The following FOXK2 variants were observed in gnomAD, a reference collection of about 807,000 sequenced individuals.
FOXK2 encodes the protein forkhead box protein K2.
A neutral mutation model predicts 53.3 loss-of-function variants in FOXK2; 24 were observed. The ratio of observed to expected loss-of-function variants is 0.45; its 90% confidence interval spans 0.33 to 0.63. The LOEUF is 0.63. Among genes scored for constraint, FOXK2 ranks in the 30% least tolerant of loss-of-function variants. The pLI is 0.03. For missense variants in FOXK2, 952 were observed against 910.5 expected (o/e 1.05, Z -0.59); for synonymous variants, 505 against 407.1 (o/e 1.24, Z -2.89).
intron 1 of FOXK2, among the ~76,000 whole-genome samples, chr17:82,522,372 T>A (rs1175741297): frequency 6.6e-6 from 1 of 151,384 alleles, no homozygotes; most frequent in Non-Finnish European, 1.5e-5. Flanking sequence ...TTTGGAATTT[T>A]TTTTTTTTTT....
chr17:82,522,041 CTTTTTTTTTTT>C (rs924582731), intron 1 of FOXK2, among the ~76,000 whole-genome samples: 19 of 107,268 alleles, frequency 1.8e-4, no homozygotes, highest in Non-Finnish European at 3.3e-4. Flanking sequence ...TTTAATCTGA[CTTTTTTTTTTT>C]TTTTTTTTTT....
intron 1 of FOXK2, among the ~76,000 whole-genome samples, chr17:82,525,080 A>G (rs1432228613): frequency 1.3e-5 from 2 of 149,600 alleles, no homozygotes; most frequent in African/African-American, 4.9e-5. Context: ...GGTTCAAGTG[A>G]TTATCCTGGC....
chr17:82,595,956 A>G (rs747237770), intron 8 of FOXK2: 25 of 1,228,972 alleles, frequency 2.0e-5, no homozygotes, highest in Non-Finnish European at 2.6e-5. Flanking sequence ...GTCCAGAGAC[A>G]CCTACAGCGT....
At chr17:82,597,302 G>C (rs138811443) in intron 8 of FOXK2, among the ~76,000 whole-genome samples, 164 of 152,340 alleles carry the variant, frequency 1.1e-3, no homozygotes, top group Non-Finnish European at 1.5e-3. Context: ...GAGAGCACGT[G>C]TGGGCCTCAT....
At chr17:82,560,686 C>T (rs903747081) in intron 1 of FOXK2, among the ~76,000 whole-genome samples, 3 of 152,164 alleles carry the variant, frequency 2.0e-5, no homozygotes, top group East Asian at 1.9e-4. Flanking sequence ...ACCAAAAGAT[C>T]GTTGTCTTAA....
At chr17:82,522,041 CTTTTTT>C (rs924582731) in intron 1 of FOXK2, among the ~76,000 whole-genome samples, 249 of 107,270 alleles carry the variant, frequency 2.3e-3, no homozygotes, top group African/African-American at 6.6e-3. Context: ...TTTAATCTGA[CTTTTTT>C]TTTTTTTTTT....
At chr17:82,541,895 T>G (rs1213600239) in intron 1 of FOXK2, among the ~76,000 whole-genome samples, 1 of 151,854 alleles carries the variant, frequency 6.6e-6, no homozygotes, top group African/African-American at 2.4e-5. Context: ...TTTTTTTTTT[T>G]TTTGAGATGG....
At chr17:82,586,301 GGGCC>G in intron 7 of FOXK2, 101 bp downstream of exon 7, 2 of 204,686 alleles carry the variant, frequency 9.8e-6, no homozygotes, top group Non-Finnish European at 1.7e-5. Context: ...GGTCAAAGGT[GGGCC>G]GGGGGGGAAA....
At chr17:82,547,007 G>A (rs2044632456) in intron 1 of FOXK2, among the ~76,000 whole-genome samples, 1 of 151,280 alleles carries the variant, frequency 6.6e-6, no homozygotes, top group Admixed American at 6.6e-5. Flanking sequence ...AACCCGGGAG[G>A]TGGAGGTCAC....
chr17:82,561,758 C>T (rs1470093038), intron 1 of FOXK2, among the ~76,000 whole-genome samples: 1 of 152,200 alleles, frequency 6.6e-6, no homozygotes, highest in African/African-American at 2.4e-5. Context: ...GTCCCTGAAG[C>T]GGGAGGGCCA....
At chr17:82,567,614 C>T (rs1478360772) in intron 2 of FOXK2, among the ~76,000 whole-genome samples, 1 of 152,216 alleles carries the variant, frequency 6.6e-6, no homozygotes, top group Non-Finnish European at 1.5e-5. Context: ...TGGCAGACCC[C>T]TCCCCTCCCC....
intron 8 of FOXK2, among the ~76,000 whole-genome samples, chr17:82,587,937 A>C (rs2045209471): frequency 6.6e-6 from 1 of 152,038 alleles, no homozygotes; most frequent in South Asian, 2.1e-4. Flanking sequence ...CGCTTGCGGG[A>C]TCTCAAGCAG....
At chr17:82,545,959 G>A (rs1386008316) in intron 1 of FOXK2, among the ~76,000 whole-genome samples, 5 of 152,098 alleles carry the variant, frequency 3.3e-5, no homozygotes, top group Non-Finnish European at 7.4e-5. Flanking sequence ...GTGAGATCCA[G>A]TTCAGGGTGC....
At chr17:82,533,634 A>G (rs1269206120) in intron 1 of FOXK2, among the ~76,000 whole-genome samples, 1 of 152,190 alleles carries the variant, frequency 6.6e-6, no homozygotes, top group Non-Finnish European at 1.5e-5. Context: ...GCATCACCCC[A>G]GACTCATGAG....
chr17:82,522,499 G>A (rs939675101), intron 1 of FOXK2, among the ~76,000 whole-genome samples: 2 of 150,874 alleles, frequency 1.3e-5, no homozygotes, highest in Admixed American at 6.6e-5. Context: ...CTCCCGAGTA[G>A]CTGAGACTAC....
At chr17:82,575,725 C>A (rs1024056511) in intron 4 of FOXK2, among the ~76,000 whole-genome samples, 3 of 152,146 alleles carry the variant, frequency 2.0e-5, no homozygotes, top group Non-Finnish European at 4.4e-5. Context: ...AAGCTGTGAT[C>A]ACAGGAGATT....
intron 2 of FOXK2, among the ~76,000 whole-genome samples, chr17:82,564,985 C>T (rs1014959108): frequency 6.6e-6 from 1 of 152,086 alleles, no homozygotes; most frequent in Non-Finnish European, 1.5e-5. Flanking sequence ...CTGCCTCGGC[C>T]TCCCAAAGTG....
chr17:82,520,009 G>C lies in FOXK2; in HGVS notation c.121G>C (p.Glu41Gln). Residue 41 changes from glutamate (E) to glutamine (Q), a missense_variant, in exon 1 of 9, where the codon GAG becomes CAG. Physicochemically the swap from Glu to Gln is conservative, Grantham distance 29. Around this residue, in one of 5 missense-constraint regions of FOXK2, gnomAD observed 163 missense variants for 165.5 expected, o/e 0.98. Coordinates refer to ENST00000335255, the MANE Select transcript of FOXK2 (RefSeq NM_004514.4). ...GGGCGGCTGGGCCGTGGCGCGCCTG[G>C]AGGGCCGCGAGTTCGAGTATCTGAT... Reference protein sequence around the residue: ...PPGGWAVARLEGREFEYLMKK... With the variant: ...PPGGWAVARLQGREFEYLMKK... 2 of 1,467,228 alleles carry C rather than the reference G, an allele frequency of 1.4e-6. No homozygotes were observed. The highest frequency in any genetic ancestry group is 2.6e-5 in the South Asian group (2 of 77,458). The allele number at this position is 1,467,228 out of a possible 1,614,324, so 90.9% of individuals were successfully genotyped here.
At position 82,569,278 on chromosome 17, in the gene FOXK2, C is replaced by T. The variant is rs566560284; in HGVS notation, c.762+1077C>T. ...CAGCTGTGCATCCCCCACCTGCGGC[C>T]GACTACGGCGTCTAACACAGGGTGC... On this transcript the variant is annotated intron_variant, in intron 3 of 8. Coordinates refer to ENST00000335255, the MANE Select transcript of FOXK2 (RefSeq NM_004514.4). 1.5e-4 allele frequency among the ~76,000 whole-genome samples: 23 copies of T among 152,312 alleles called. 1 individual carries two copies. Among genetic ancestry groups the T allele is most frequent in the African/African-American group, 5.1e-4 (21 of 41,566 alleles).
Sources: gnomAD v4.1 joint callset for allele counts (sites outside exome capture counted in the v4.1 genomes callset) on GRCh38, gnomAD v4.1.1 for gene constraint, gnomAD v4.1.1 regional missense constraint, MANE v1.5 for transcripts, NCBI Gene and HGNC (gene_info 2026-07-23, HGNC 2026-07-21) for gene names.